The following UPB1 variants were observed in gnomAD, a reference collection of about 807,000 sequenced individuals.
UPB1 encodes beta-ureidopropionase 1, also known as beta-ureidopropionase.
Under a neutral mutation model 49.1 loss-of-function variants are expected in UPB1, and 40 were observed. The observed-to-expected ratio is 0.81, with a 90% CI of 0.63 to 1.06. The LOEUF (loss-of-function observed/expected upper bound fraction) is 1.06. UPB1 is among the 50% of genes least tolerant of loss of function. The pLI is 0.00. For missense variants in UPB1, 499 were observed against 505.9 expected (o/e 0.99, Z 0.13); for synonymous variants, 207 against 198.2 (o/e 1.04, Z -0.38).
intron 3 of UPB1, among the ~76,000 whole-genome samples, chr22:24,504,783 A>G (rs2044058042): frequency 7.6e-6 from 1 of 131,242 alleles, no homozygotes; most frequent in Non-Finnish European, 1.5e-5. Flanking sequence ...GCTGTAGTGC[A>G]GTGGCACAAT....
chr22:24,520,387 C>T lies in UPB1; in HGVS notation c.792C>T (p.Ser264=), dbSNP rs145766755. The change falls in exon 7 of 10, where the codon AGC becomes AGT. Residue 264 remains serine, a splice_region_variant and synonymous_variant. Coordinates refer to ENST00000326010, the MANE Select transcript of UPB1 (RefSeq NM_016327.3). ...FNPSATIGAL[S]ESLWPIEARN... is the part of the protein sequence containing the mutation. ...GGTTCCTCTTGGTCCTCTCTTACAG[C>T]GAGTCCCTGTGGCCCATCGAGGCCA... is the stretch of plus-strand genomic sequence containing the variant. 200 of 1,614,002 alleles carry T rather than the reference C, an allele frequency of 1.2e-4. No homozygotes were observed. Among genetic ancestry groups the T allele is most frequent in the Non-Finnish European group, 1.4e-4 (164 of 1,180,008 alleles).
At chr22:24,497,057 T>G (rs3788370) in intron 1 of UPB1, among the ~76,000 whole-genome samples, 8,972 of 152,184 alleles carry the variant, frequency 0.059, 445 homozygotes, top group South Asian at 0.14. Flanking sequence ...CTCCCCCCTA[T>G]CTCCCTTCTG....
chr22:24,503,164 T>A (rs2044025110), intron 3 of UPB1: 1 of 152,430 alleles, frequency 6.6e-6, no homozygotes, highest in Admixed American at 6.5e-5. Flanking sequence ...TGTTTTCTAC[T>A]TGCCACGCAT....
Position 24,495,669 on chromosome 22 carries a change from C to T in UPB1, c.104+162C>T, listed in dbSNP as rs117046446. Among the ~76,000 whole-genome samples, 1,503 of 152,144 alleles carry T rather than the reference C, an allele frequency of 9.9e-3. 76 individuals carry two copies. The South Asian group carries it at 0.11, about 11-fold the overall frequency. ...ATAGTAGGTCTTGATGGGACGGCCC[C>T]GGGGTCCTTGGGGGTTGCAGAATCC... On this transcript the variant is annotated intron_variant, in intron 1 of 9. Coordinates refer to ENST00000326010, the MANE Select transcript of UPB1 (RefSeq NM_016327.3).
intron 8 of UPB1, 126 bp from the exon 9 acceptor site, chr22:24,523,493 T>C: frequency 2.1e-6 from 3 of 1,417,470 alleles, no homozygotes; most frequent in Non-Finnish European, 3.0e-6. Context: ...GCCTCAGCAT[T>C]TGGCAGACAC....
rs977607942 is a variant in UPB1, at chr22:24,527,674, G to A, written c.*1880G>A. 2.0e-4 allele frequency: 30 copies of A among 152,104 alleles called. No individual in the cohort carries two copies. Among genetic ancestry groups the A allele is most frequent in the African/African-American group, 7.2e-4 (30 of 41,410 alleles). 9.4% of individuals were successfully genotyped at this position (152,104 alleles called of 1,614,324 possible). On this transcript the variant is annotated 3_prime_UTR_variant, in exon 10 of 10. Transcript: ENST00000326010. ...TGGAAACCTCCATGTCAGGGCTAGG[G>A]TACTCCTGGACAGCCACCAAGGATG... is the stretch of plus-strand genomic sequence containing the variant.
At chr22:24,523,399 A>G (rs1427262943) in intron 8 of UPB1, among the ~76,000 whole-genome samples, 2 of 152,232 alleles carry the variant, frequency 1.3e-5, no homozygotes, top group East Asian at 3.8e-4. Context: ...ACATTTCCCC[A>G]GGGGCAAAGG....
chr22:24,514,333 A>G (rs2044257240), intron 5 of UPB1, among the ~76,000 whole-genome samples: 1 of 152,006 alleles, frequency 6.6e-6, no homozygotes, highest in Non-Finnish European at 1.5e-5. Flanking sequence ...GGGTGGGAAG[A>G]CGCGCCCCTC....
intron 2 of UPB1, among the ~76,000 whole-genome samples, chr22:24,501,923 A>C (rs2147003297): frequency 1.3e-5 from 2 of 152,302 alleles, no homozygotes; most frequent in South Asian, 4.1e-4. Flanking sequence ...GCAGTGTCCA[A>C]GTGTCTGACC....
intron 5 of UPB1, 30 bp from the exon 6 acceptor site, chr22:24,515,171 G>A (rs2044270827): frequency 6.2e-7 from 1 of 1,613,704 alleles, no homozygotes; most frequent in Non-Finnish European, 8.5e-7. Context: ...GAAGGTCAGA[G>A]GCATCAGTAT....
Position 24,525,974 on chromosome 22 carries a change from C to T in UPB1, c.*180C>T. 1 of 698,732 alleles carries T rather than the reference C, an allele frequency of 1.4e-6. No homozygotes were observed. The highest frequency in any genetic ancestry group is 3.9e-4 in the Middle Eastern group (1 of 2,572). The allele number at this position is 698,732 out of a possible 1,614,324, so 43.3% of individuals were successfully genotyped here. A position where few individuals can be genotyped will look rare whatever the true frequency, so the allele number is the denominator to read the frequency against. ...TTCTTAATGGGTAAGGGGCTGCTTA[C>T]TTCTGGGGTATTGGAAATGTTTGGG... On this transcript the variant is annotated 3_prime_UTR_variant, in exon 10 of 10. Coordinates refer to ENST00000326010, the MANE Select transcript of UPB1 (RefSeq NM_016327.3).
intron 9 of UPB1, among the ~76,000 whole-genome samples, chr22:24,524,742 G>A (rs576927766): frequency 2.6e-5 from 4 of 152,206 alleles, no homozygotes; most frequent in African/African-American, 4.8e-5. Flanking sequence ...CTCGCACCTC[G>A]GGCTCCCAAA....
Position 24,520,406 on chromosome 22 carries a change from G to A in UPB1, c.811G>A (p.Glu271Lys), listed in dbSNP as rs747454154. 7 of 1,614,146 alleles carry A rather than the reference G, an allele frequency of 4.3e-6. No homozygotes were observed. The highest frequency in any genetic ancestry group is 3.3e-5 in the Admixed American group (2 of 60,020). The change falls in exon 7 of 10, where the codon GAG becomes AAG. Residue 271 changes from glutamate (E) to lysine (K), a missense_variant. Coordinates refer to ENST00000326010, the MANE Select transcript of UPB1 (RefSeq NM_016327.3). Reference protein sequence around the residue: ...GALSESLWPIEARNAAIANHC... With the variant: ...GALSESLWPIKARNAAIANHC... ...TTACAGCGAGTCCCTGTGGCCCATCGAGGCCAGAAACGCAGCCATTGCCAA... is the reference window on the plus strand; with the variant it reads ...TTACAGCGAGTCCCTGTGGCCCATCAAGGCCAGAAACGCAGCCATTGCCAA...
rs1440291619 is a variant in UPB1, at chr22:24,527,780, T to G, written c.*1986T>G. The G allele has an allele frequency of 1.3e-5, 2 of 150,000 alleles. No homozygotes were observed. Among genetic ancestry groups the G allele is most frequent in the Non-Finnish European group, 2.9e-5 (2 of 67,868 alleles). The allele number at this position is 150,000 out of a possible 1,614,324, so 9.3% of individuals were successfully genotyped here. On this transcript the variant is annotated 3_prime_UTR_variant, in exon 10 of 10. Coordinates refer to ENST00000326010, the MANE Select transcript of UPB1 (RefSeq NM_016327.3). ...CTGTGCTGCAGGTTTTCACTTTACC[T>G]AATGGCCCTTCTTGCACCTTTAAAA...
intron 3 of UPB1, among the ~76,000 whole-genome samples, chr22:24,508,982 A>C (rs936090974): frequency 6.6e-6 from 1 of 152,242 alleles, no homozygotes; most frequent in Non-Finnish European, 1.5e-5. Flanking sequence ...AGTTCTCCAC[A>C]TTGAGAAAGA....
At chr22:24,524,437 A>G (rs1418238498) in intron 9 of UPB1, among the ~76,000 whole-genome samples, 1 of 152,200 alleles carries the variant, frequency 6.6e-6, no homozygotes, top group Non-Finnish European at 1.5e-5. Context: ...AGTTTGCTGT[A>G]TTAGTGTCCG....
chr22:24,501,570 CAT>C, intron 2 of UPB1, among the ~76,000 whole-genome samples: 1 of 152,288 alleles, frequency 6.6e-6, no homozygotes, highest in African/African-American at 2.4e-5. Flanking sequence ...AGAGGGGTGA[CAT>C]GTGACATAGA....
intron 8 of UPB1, among the ~76,000 whole-genome samples, chr22:24,522,757 C>T (rs2044416880): frequency 6.7e-6 from 1 of 149,590 alleles, no homozygotes; most frequent in Non-Finnish European, 1.5e-5. Flanking sequence ...CATGGAGAAA[C>T]CCAGTCTCTA....
intron 1 of UPB1, 80 bp downstream of exon 1, chr22:24,495,587 A>G (rs978804074): frequency 1.4e-6 from 2 of 1,471,004 alleles, no homozygotes; most frequent in Middle Eastern, 1.7e-4. Context: ...GGAGGGCCTC[A>G]GGGTCTGAAG....
Sources: allele counts gnomAD v4.1 joint callset (sites outside exome capture counted in the v4.1 genomes callset), GRCh38; gene constraint gnomAD v4.1.1; transcripts MANE v1.5; gene names NCBI Gene and HGNC (gene_info 2026-07-23, HGNC 2026-07-21).